The following USP34 variants were observed in gnomAD, a reference collection of about 807,000 sequenced individuals.
USP34 encodes ubiquitin specific peptidase 34, also known as ubiquitin carboxyl-terminal hydrolase 34.
USP34 carries 70 observed loss-of-function variants against 460.3 expected under a neutral mutation model. The ratio of observed to expected loss-of-function variants is 0.15; its 90% confidence interval spans 0.13 to 0.19. USP34 has a LOEUF of 0.19. Among genes scored for constraint, USP34 ranks in the 10% least tolerant of loss-of-function variants. USP34 has a pLI of 1.00. For missense variants in USP34, 3,985 were observed against 4,236.2 expected (o/e 0.94, Z 1.65); for synonymous variants, 1,647 against 1,405.3 (o/e 1.17, Z -3.85).
At chr2:61,399,587 C>T (rs925203011) in intron 3 of USP34, among the ~76,000 whole-genome samples, 7 of 151,734 alleles carry the variant, frequency 4.6e-5, no homozygotes, top group Non-Finnish European at 1.0e-4. Flanking sequence ...GACGAATTAA[C>T]GGTCCCGGGC....
At chr2:61,236,430 C>A in intron 53 of USP34, 41 bp from the exon 54 acceptor site, 1 of 1,413,282 alleles carries the variant, frequency 7.1e-7, no homozygotes, top group Admixed American at 2.3e-5. Flanking sequence ...AAGCAGTTTA[C>A]TTCATTACAT....
chr2:61,267,782 AT>A (rs1312232201), intron 41 of USP34, among the ~76,000 whole-genome samples: 6 of 151,838 alleles, frequency 4.0e-5, no homozygotes, highest in African/African-American at 1.5e-4. Context: ...CCCGGTCTTA[AT>A]TTTTTGTATT....
chr2:61,313,319 C>T (rs1690652090), intron 25 of USP34, among the ~76,000 whole-genome samples: 1 of 151,896 alleles, frequency 6.6e-6, no homozygotes, highest in Non-Finnish European at 1.5e-5. Flanking sequence ...AAAACCACCA[C>T]TGAATGCTCA....
chr2:61,277,284 T>C (rs909035267), intron 41 of USP34, among the ~76,000 whole-genome samples: 1 of 150,684 alleles, frequency 6.6e-6, no homozygotes, highest in Non-Finnish European at 1.5e-5. Context: ...TCACCTAGGC[T>C]ACAGTGCAGT....
chr2:61,422,100 T>A (rs1246556782), intron 1 of USP34, among the ~76,000 whole-genome samples: 1 of 152,184 alleles, frequency 6.6e-6, no homozygotes, highest in Non-Finnish European at 1.5e-5. Context: ...AAGACACTAC[T>A]GACCATCAGG....
At chr2:61,199,587 A>C (rs1686909430) in intron 75 of USP34, among the ~76,000 whole-genome samples, 1 of 152,194 alleles carries the variant, frequency 6.6e-6, no homozygotes, top group African/African-American at 2.4e-5. Flanking sequence ...CCTGGTATTA[A>C]TTTTGGTCTA....
rs146390112 is a variant in USP34 at position 61,209,436 on chromosome 2, T to C, written c.8841-459A>G. On this transcript the variant is annotated intron_variant, in intron 69 of 79. Coordinates refer to ENST00000398571, the MANE Select transcript of USP34 (RefSeq NM_014709.4). The stretch of plus-strand genomic sequence containing the variant: ...TACAGTCATGTGCCACAAAATGAAA[T>C]TGTGGTAAATGATGGATCACAAACA... Among the ~76,000 whole-genome samples the C allele has an allele frequency of 1.2e-4, 18 of 152,312 alleles. No individual in the cohort carries two copies. The East Asian group carries it at 3.1e-3, about 26-fold the overall frequency.
intron 3 of USP34, among the ~76,000 whole-genome samples, chr2:61,402,189 T>C (rs1383273121): frequency 6.6e-6 from 1 of 151,962 alleles, no homozygotes; most frequent in African/African-American, 2.4e-5. Context: ...CTGAGGTGGG[T>C]GGATCGTTTG....
At chr2:61,195,664 T>C (rs1392101869) in intron 75 of USP34, among the ~76,000 whole-genome samples, 1 of 152,048 alleles carries the variant, frequency 6.6e-6, no homozygotes, top group East Asian at 1.9e-4. Flanking sequence ...AGAGCCAGAC[T>C]CTGTCTCAAA....
chr2:61,314,455 C>A, intron 25 of USP34, 130 bp downstream of exon 25: 1 of 782,214 alleles, frequency 1.3e-6, no homozygotes. Context: ...TGTTACTGAT[C>A]CTTCACTTTG....
At chr2:61,430,636 T>C (rs1313376600) in intron 1 of USP34, among the ~76,000 whole-genome samples, 4 of 152,336 alleles carry the variant, frequency 2.6e-5, no homozygotes, top group Non-Finnish European at 1.5e-5. Context: ...TATAACAATT[T>C]AGTTAATTTT....
At chr2:61,359,808 A>G (rs1572966607) in intron 10 of USP34, among the ~76,000 whole-genome samples, 1 of 127,780 alleles carries the variant, frequency 7.8e-6, no homozygotes, top group South Asian at 2.8e-4. Flanking sequence ...TTTTTGAGAC[A>G]GTCTCACTCT....
At chr2:61,206,420 C>T (rs1040270662) in intron 71 of USP34, among the ~76,000 whole-genome samples, 2 of 152,164 alleles carry the variant, frequency 1.3e-5, no homozygotes, top group Non-Finnish European at 2.9e-5. Flanking sequence ...ATAGTCATCT[C>T]GCATGAAACT....
intron 8 of USP34, among the ~76,000 whole-genome samples, chr2:61,371,739 C>T (rs1049160473): frequency 2.0e-5 from 3 of 152,168 alleles, no homozygotes; most frequent in Admixed American, 2.0e-4. Context: ...CACTCACCAA[C>T]TCACCCAGAG....
intron 1 of USP34, among the ~76,000 whole-genome samples, chr2:61,468,681 GAACT>G (rs1310351949): frequency 7.2e-5 from 11 of 152,276 alleles, no homozygotes; most frequent in African/African-American, 2.4e-4. Flanking sequence ...GAAGCTGGTT[GAACT>G]AACTGTATTT....
chr2:61,400,371 A>T (rs1201782285), intron 3 of USP34, among the ~76,000 whole-genome samples: 1 of 152,066 alleles, frequency 6.6e-6, no homozygotes, highest in African/African-American at 2.4e-5. Context: ...GGCCTCCCAA[A>T]GTGCTGGGAT....
At position 61,318,854 on chromosome 2, in the gene USP34, GACT is replaced by G. The variant is rs1187262804; in HGVS notation, c.3168+316_3168+318del. Among the ~76,000 whole-genome samples the G allele has an allele frequency of 2.6e-5, 4 of 152,062 alleles. No individual in the cohort carries two copies. In the East Asian group the frequency reaches 5.8e-4, roughly 22 times the overall value. On this transcript the variant is annotated intron_variant, in intron 22 of 79. Coordinates refer to ENST00000398571, the MANE Select transcript of USP34 (RefSeq NM_014709.4). Reference sequence around the variant, plus strand: ...GTGTGGGCACCACCCCTGAAAATTGGACTACAATATTACTGATTATTTCAAAAA... The same window carrying G: ...GTGTGGGCACCACCCCTGAAAATTGGACAATATTACTGATTATTTCAAAAA...
At chr2:61,378,941 C>T (rs1230678074) in intron 7 of USP34, among the ~76,000 whole-genome samples, 1 of 72,236 alleles carries the variant, frequency 1.4e-5, no homozygotes, top group Admixed American at 1.5e-4. Context: ...AAAAAAACAA[C>T]ACTAAATTCA....
At position 61,280,303 on chromosome 2, in the gene USP34, C is replaced by G. The variant is rs2103955035; in HGVS notation, c.5197G>C (p.Glu1733Gln). The G allele has an allele frequency of 6.4e-7, 1 of 1,556,286 alleles. No homozygotes were observed. The highest frequency in any genetic ancestry group is 8.7e-7 in the Non-Finnish European group (1 of 1,153,190). Residue 1733 changes from glutamate to glutamine, a missense_variant, in exon 39 of 80, where the codon GAG becomes CAG. By Grantham distance (29) the Glu-to-Gln change is conservative. Around this residue, in one of 14 missense-constraint regions of USP34, gnomAD observed 1,114 missense variants for 1,122.5 expected, o/e 0.99. Transcript: ENST00000398571. The part of the protein sequence containing the change: ...EEPILKPGCK[E>Q]YFWLLCKLVD... ...AATTTGCATAACAACCAAAAATACT[C>G]TTTACATCCTGGTTTTAATATTGGT...
Sources: allele counts gnomAD v4.1 joint callset (sites outside exome capture counted in the v4.1 genomes callset), GRCh38; gene constraint gnomAD v4.1.1; regional missense constraint gnomAD v4.1.1; transcripts MANE v1.5; gene names NCBI Gene and HGNC (gene_info 2026-07-23, HGNC 2026-07-21).